The following POTEE variants were observed in gnomAD, a reference collection of about 807,000 sequenced individuals.
The protein encoded by POTEE is ANKRD26-like family C member 1A.
Under a neutral mutation model 74.2 loss-of-function variants are expected in POTEE, and 21 were observed. That is an observed-to-expected ratio of 0.28 (90% CI 0.20 to 0.41). The LOEUF (loss-of-function observed/expected upper bound fraction) is 0.41. Among genes scored for constraint, POTEE ranks in the 10% least tolerant of loss-of-function variants. POTEE has a pLI of 1.00. For missense variants in POTEE, 525 were observed against 1,158.6 expected (o/e 0.45, Z 7.94); for synonymous variants, 211 against 432.8 (o/e 0.49, Z 6.36).
At chr2:131,220,523 A>G (rs1700585550) in intron 4 of POTEE, among the ~76,000 whole-genome samples, 1 of 152,172 alleles carries the variant, frequency 6.6e-6, no homozygotes, top group African/African-American at 2.4e-5. Flanking sequence ...AGACATAATA[A>G]AATAAGCTCA....
At chr2:131,229,899 A>G (rs1490417205) in intron 8 of POTEE, among the ~76,000 whole-genome samples, 2 of 152,160 alleles carry the variant, frequency 1.3e-5, no homozygotes, top group Non-Finnish European at 2.9e-5. Context: ...TATTGTTAGT[A>G]TGTATGTCGA....
chr2:131,263,357 T>G lies in POTEE; in HGVS notation c.1902T>G (p.Leu634=), dbSNP rs777984917. ...AAAAGTTCTCTTTGTTTACTTAGCT[T>G]TCTCTTAGTTGTAAGAAAGAAAAAG... The part of the protein sequence containing the change: ...IEVVEKMNSE[L]SLSCKKEKDV... Residue 634 remains leucine (L), a splice_region_variant and synonymous_variant, in exon 18 of 18, where the codon CTT becomes CTG. Transcript: ENST00000683005. 1.4e-5 allele frequency: 22 copies of G among 1,610,592 alleles called. No individual in the cohort carries two copies. Among genetic ancestry groups the G allele is most frequent in the Non-Finnish European group, 1.9e-5 (22 of 1,179,444 alleles).
In POTEE at chr2:131,235,543, C is replaced by A. The variant is rs1015925430; in HGVS notation, c.1127-1189C>A. On this transcript the variant is annotated intron_variant, in intron 9 of 17. Coordinates refer to ENST00000683005, the MANE Select transcript of POTEE (RefSeq NM_001083538.3). ...AAGTGTGGTGGCTCACACCTCTAAT[C>A]CCAGCATTTTGGGAGGCTGGAGCAG... Among the ~76,000 whole-genome samples the A allele has an allele frequency of 2.3e-4, 35 of 151,998 alleles. No individual in the cohort carries two copies. The East Asian group carries it at 6.8e-3, about 29-fold the overall frequency.
intron 16 of POTEE, among the ~76,000 whole-genome samples, chr2:131,258,606 C>G (rs1182542178): frequency 1.3e-5 from 2 of 152,090 alleles, no homozygotes; most frequent in African/African-American, 2.4e-5. Flanking sequence ...TAACAATTTT[C>G]TGCTGGCAAA....
chr2:131,230,714 A>G (rs1272381129), intron 8 of POTEE, 122 bp from the exon 9 acceptor site: 2 of 906,806 alleles, frequency 2.2e-6, no homozygotes, highest in Non-Finnish European at 3.3e-6. Flanking sequence ...TGGATGGGAT[A>G]ATACTATTAA....
At chr2:131,256,913 C>T (rs1192605889) in intron 16 of POTEE, among the ~76,000 whole-genome samples, 13 of 152,308 alleles carry the variant, frequency 8.5e-5, no homozygotes, top group African/African-American at 2.4e-4. Context: ...TGCTCTCTAA[C>T]GTAATTGAGG....
chr2:131,263,947 C>T lies in POTEE; in HGVS notation c.2492C>T (p.Ala831Val), dbSNP rs1701814046. 4 of 1,614,088 alleles carry T rather than the reference C, an allele frequency of 2.5e-6. No individual in the cohort carries two copies. Among genetic ancestry groups the T allele is most frequent in the Non-Finnish European group, 2.5e-6 (3 of 1,180,052 alleles). The change falls in exon 18 of 18, where the codon GCC becomes GTC. Residue 831 changes from alanine to valine, a missense_variant. Coordinates refer to ENST00000683005, the MANE Select transcript of POTEE (RefSeq NM_001083538.3). The part of the protein sequence containing the change: ...QIMFETFNTP[A>V]MYVAIQAVPS... ...ATGTTTGAGACCTTCAACACCCCAG[C>T]CATGTACGTGGCCATCCAGGCCGTG... is the stretch of plus-strand genomic sequence containing the variant.
intron 4 of POTEE, among the ~76,000 whole-genome samples, chr2:131,222,315 AC>A (rs1226739768): frequency 6.6e-6 from 1 of 152,268 alleles, no homozygotes; most frequent in Non-Finnish European, 1.5e-5. Context: ...GGAAGAGAAA[AC>A]CAAATACTGC....
In POTEE at chr2:131,239,429, G is replaced by A; in HGVS notation, c.1394G>A (p.Ser465Asn). ...PENQQFPDNE[S>N]EEYHRICELL... ...AATCAGCAATTTCCTGACAACGAAA[G>A]TGAAGAGTATCACAGGTAAGCCTAT... Residue 465 changes from serine (S) to asparagine (N), a missense_variant, in exon 12 of 18, where the codon AGT (serine) becomes AAT (asparagine). Physicochemically the swap from Ser to Asn is conservative, Grantham distance 46. Coordinates refer to ENST00000683005, the MANE Select transcript of POTEE (RefSeq NM_001083538.3). The A allele has an allele frequency of 1.0e-5, 1 of 97,500 alleles. No individual in the cohort carries two copies. Among genetic ancestry groups the A allele is most frequent in the Non-Finnish European group, 1.7e-5 (1 of 58,600 alleles). The allele number at this position is 97,500 out of a possible 1,614,324, so 6.0% of individuals were successfully genotyped here. A position where few individuals can be genotyped will look rare whatever the true frequency, so the allele number is the denominator to read the frequency against.
In POTEE at chr2:131,218,509, G is replaced by A; in HGVS notation, c.107G>A (p.Arg36Lys). The change falls in exon 4 of 18, where the codon AGG becomes AAG. Residue 36 changes from arginine (R) to lysine (K), a missense_variant. By Grantham distance (26) the Arg-to-Lys change is conservative (BLOSUM62 2). Coordinates refer to ENST00000683005, the MANE Select transcript of POTEE (RefSeq NM_001083538.3). ...KWCCRCFPCYRESGKSNVGTS... is the reference protein window; with the variant it reads ...KWCCRCFPCYKESGKSNVGTS... Reference sequence around the variant, plus strand: ...TGCTGCCGTTGCTTCCCCTGCTACAGGGAGAGCGGCAAGAGCAACGTGGGC... The same window carrying A: ...TGCTGCCGTTGCTTCCCCTGCTACAAGGAGAGCGGCAAGAGCAACGTGGGC... 1.2e-6 allele frequency: 2 copies of A among 1,613,042 alleles called. No homozygotes were observed. Among genetic ancestry groups the A allele is most frequent in the Non-Finnish European group, 8.5e-7 (1 of 1,179,886 alleles).
At chr2:131,210,496 A>G (rs948798706) in intron 1 of POTEE, among the ~76,000 whole-genome samples, 151 of 151,948 alleles carry the variant, frequency 9.9e-4, no homozygotes, top group African/African-American at 3.6e-3. Context: ...GGACAGCAAC[A>G]GCCATGGTCT....
At chr2:131,256,866 C>T (rs563128249) in intron 16 of POTEE, among the ~76,000 whole-genome samples, 33 of 152,412 alleles carry the variant, frequency 2.2e-4, no homozygotes, top group East Asian at 5.8e-4. Flanking sequence ...CATCAGGACG[C>T]GTCAGGCTTG....
At chr2:131,224,228 A>G (rs1230987887) in intron 6 of POTEE, among the ~76,000 whole-genome samples, 185 bp downstream of exon 6, 1 of 151,668 alleles carries the variant, frequency 6.6e-6, no homozygotes, top group Non-Finnish European at 1.5e-5. Flanking sequence ...ATTAGAGGGT[A>G]CAGTTTTTTT....
intron 3 of POTEE, 119 bp from the exon 4 acceptor site, chr2:131,218,191 G>C (rs1157849214): frequency 9.7e-6 from 9 of 931,758 alleles, no homozygotes; most frequent in Admixed American, 5.9e-5. Context: ...GGGTCGCCCA[G>C]GGGGGGCGTG....
chr2:131,231,579 C>G (rs1053257942), intron 9 of POTEE, among the ~76,000 whole-genome samples: 1 of 152,106 alleles, frequency 6.6e-6, no homozygotes, highest in Non-Finnish European at 1.5e-5. Context: ...CTCACTATTA[C>G]TGACTTCATT....
intron 7 of POTEE, among the ~76,000 whole-genome samples, chr2:131,227,460 T>TTTG (rs1280444647): frequency 7.9e-6 from 1 of 125,930 alleles, no homozygotes; most frequent in Non-Finnish European, 1.6e-5. Flanking sequence ...TTCAACAGCT[T>TTTG]TTTTCCTTTT....
In POTEE at chr2:131,209,821, T is replaced by C. The variant is rs1485492790; in HGVS notation, c.-345+2T>C. Among the ~76,000 whole-genome samples, 5 of 151,716 alleles carry C rather than the reference T, an allele frequency of 3.3e-5. No individual in the cohort carries two copies. The highest frequency in any genetic ancestry group is 1.2e-4 in the African/African-American group (5 of 41,320). On this transcript the variant is annotated splice_donor_variant, in intron 1 of 17. Coordinates refer to ENST00000683005, the MANE Select transcript of POTEE (RefSeq NM_001083538.3). LOFTEE classifies it low-confidence loss of function (5UTR_SPLICE). The stretch of plus-strand genomic sequence containing the variant: ...AGTGGTAGAAATGTCCTGGTGTAGG[T>C]GAGTTATCCGGGGATGTACTGCCCG...
At chr2:131,214,269 A>G (rs1171799311) in intron 2 of POTEE, among the ~76,000 whole-genome samples, 3 of 152,290 alleles carry the variant, frequency 2.0e-5, no homozygotes, top group Non-Finnish European at 2.9e-5. Flanking sequence ...TTGGATGGGC[A>G]TCAGAAATTA....
intron 9 of POTEE, among the ~76,000 whole-genome samples, chr2:131,235,835 G>A (rs1701116379): frequency 6.7e-6 from 1 of 149,336 alleles, no homozygotes; most frequent in African/African-American, 2.5e-5. Context: ...GAAAATAAAT[G>A]TGTCAGAATA....
Sources: gnomAD v4.1 joint callset for allele counts (sites outside exome capture counted in the v4.1 genomes callset) on GRCh38, gnomAD v4.1.1 for gene constraint, MANE v1.5 for transcripts, NCBI Gene and HGNC (gene_info 2026-07-23, HGNC 2026-07-21) for gene names.